RHOJ: variants seen among roughly 807,000 people sequenced by gnomAD.
RHOJ encodes the protein rho-related GTP-binding protein RhoJ.
RHOJ carries 11 observed loss-of-function variants against 23.4 expected under a neutral mutation model. That is an observed-to-expected ratio of 0.47 (90% confidence interval 0.30 to 0.78). The LOEUF (loss-of-function observed/expected upper bound fraction) is 0.78. Among genes scored for constraint, RHOJ ranks in the 30% least tolerant of loss-of-function variants. The pLI is 0.08. For missense variants in RHOJ, 254 were observed against 273.4 expected (o/e 0.93, Z 0.50); for synonymous variants, 102 against 102.7 (o/e 0.99, Z 0.04).
chr14:63,246,774 T>C (rs1325024806), intron 1 of RHOJ, among the ~76,000 whole-genome samples: 2 of 152,160 alleles, frequency 1.3e-5, no homozygotes, highest in East Asian at 1.9e-4. Flanking sequence ...GAAGTCAGCT[T>C]TACTGTGCAC....
chr14:63,233,090 G>C (rs1894727400), intron 1 of RHOJ, among the ~76,000 whole-genome samples: 1 of 152,148 alleles, frequency 6.6e-6, no homozygotes, highest in East Asian at 1.9e-4. Context: ...TATTAATTGA[G>C]GAGAATGTGA....
chr14:63,286,929 C>A (rs1038843189), intron 4 of RHOJ, among the ~76,000 whole-genome samples: 1 of 152,174 alleles, frequency 6.6e-6, no homozygotes, highest in African/African-American at 2.4e-5. Context: ...TCTCTTACAA[C>A]CTGTTTGGTT....
intron 2 of RHOJ, among the ~76,000 whole-genome samples, chr14:63,275,184 T>C (rs908250606): frequency 6.6e-6 from 1 of 152,072 alleles, no homozygotes; most frequent in South Asian, 2.1e-4. Context: ...CCAGGCGTGG[T>C]GTGCATACCT....
At chr14:63,263,368 A>G (rs1340790749) in intron 1 of RHOJ, among the ~76,000 whole-genome samples, 1 of 152,188 alleles carries the variant, frequency 6.6e-6, no homozygotes, top group Non-Finnish European at 1.5e-5. Flanking sequence ...GCAAGCAATA[A>G]GGCATCCACT....
intron 1 of RHOJ, among the ~76,000 whole-genome samples, chr14:63,246,999 C>T (rs1894987030): frequency 6.6e-6 from 1 of 152,092 alleles, no homozygotes; most frequent in Admixed American, 6.5e-5. Flanking sequence ...ACATTCTTAC[C>T]CAGCTCCATT....
chr14:63,241,975 G>A (rs144029184), intron 1 of RHOJ, among the ~76,000 whole-genome samples: 1 of 152,178 alleles, frequency 6.6e-6, no homozygotes, highest in Non-Finnish European at 1.5e-5. Context: ...TAAGTCCAAA[G>A]GAAGCTGAGT....
intron 1 of RHOJ, among the ~76,000 whole-genome samples, chr14:63,225,160 C>G (rs1182966691): frequency 6.6e-6 from 1 of 152,094 alleles, no homozygotes; most frequent in East Asian, 1.9e-4. Context: ...ACTCTGTTAG[C>G]CAGGATGGTC....
chr14:63,287,935 A>G (rs1398619206), intron 4 of RHOJ, among the ~76,000 whole-genome samples: 1 of 152,122 alleles, frequency 6.6e-6, no homozygotes, highest in Non-Finnish European at 1.5e-5. Context: ...TTCATTTCAC[A>G]TCTTTGAGGA....
chr14:63,292,684 C>G lies in RHOJ; in HGVS notation c.*1660C>G, dbSNP rs1013457574. 6.6e-6 allele frequency: 1 copy of G among 152,212 alleles called. No individual in the cohort carries two copies. The highest frequency in any genetic ancestry group is 6.5e-5 in the Admixed American group (1 of 15,284). The allele number at this position is 152,212 out of a possible 1,614,324, so 9.4% of individuals were successfully genotyped here. A position where few individuals can be genotyped will look rare whatever the true frequency, so the allele number is the denominator to read the frequency against. On this transcript the variant is annotated 3_prime_UTR_variant, in exon 5 of 5. Transcript: ENST00000316754. ...TGCGTGATAGCCAGGCACCGTGGCT[C>G]ATGCCTGTAATCCCAACACTTAGGG...
chr14:63,264,736 T>A (rs1189162172), intron 1 of RHOJ, among the ~76,000 whole-genome samples: 1 of 152,242 alleles, frequency 6.6e-6, no homozygotes, highest in Non-Finnish European at 1.5e-5. Flanking sequence ...TGAGATAGTA[T>A]TTTACTATAG....
intron 1 of RHOJ, among the ~76,000 whole-genome samples, chr14:63,237,611 G>A (rs1383477537): frequency 1.3e-5 from 2 of 152,162 alleles, no homozygotes; most frequent in African/African-American, 4.8e-5. Context: ...TTAAGTTTCA[G>A]TTTAACTTAA....
intron 1 of RHOJ, among the ~76,000 whole-genome samples, chr14:63,228,649 C>T (rs1454373880): frequency 1.4e-5 from 2 of 147,572 alleles, no homozygotes; most frequent in African/African-American, 5.0e-5. Context: ...AAGACGAAAA[C>T]AGAATAGAAA....
chr14:63,284,969 C>T (rs1051582212), intron 4 of RHOJ, among the ~76,000 whole-genome samples: 5 of 152,176 alleles, frequency 3.3e-5, no homozygotes, highest in African/African-American at 1.2e-4. Context: ...CAGATACAGA[C>T]GGAATCATGT....
At position 63,283,037 on chromosome 14, in the gene RHOJ, A is replaced by G. The variant is rs1022126226; in HGVS notation, c.403-84A>G. ...AGCAACTTCAAAGATGTTAACAGGGAAAAAGACTCTATGATGTCACAGTTT... is the reference window on the plus strand; with the variant it reads ...AGCAACTTCAAAGATGTTAACAGGGGAAAAGACTCTATGATGTCACAGTTT... On this transcript the variant is annotated intron_variant, in intron 3 of 4. Coordinates refer to ENST00000316754, the MANE Select transcript of RHOJ (RefSeq NM_020663.5). The G allele has an allele frequency of 4.5e-6, 5 of 1,106,044 alleles. No homozygotes were observed. The African/African-American group carries it at 7.8e-5, about 17-fold the overall frequency. The allele number at this position is 1,106,044 out of a possible 1,614,324, so 68.5% of individuals were successfully genotyped here.
At chr14:63,233,724 C>G (rs1241431905) in intron 1 of RHOJ, among the ~76,000 whole-genome samples, 3 of 152,160 alleles carry the variant, frequency 2.0e-5, no homozygotes, top group African/African-American at 7.2e-5. Context: ...TTTAGTCATC[C>G]TCTCTTCCCT....
At chr14:63,277,099 A>T (rs1034344201) in intron 2 of RHOJ, among the ~76,000 whole-genome samples, 2 of 152,232 alleles carry the variant, frequency 1.3e-5, no homozygotes, top group African/African-American at 4.8e-5. Flanking sequence ...TGAGCTGCAG[A>T]AAACAGTGTG....
chr14:63,219,863 G>C (rs1412770577), intron 1 of RHOJ, among the ~76,000 whole-genome samples: 3 of 151,550 alleles, frequency 2.0e-5, no homozygotes, highest in Non-Finnish European at 2.9e-5. Flanking sequence ...TAGTATCTCT[G>C]TCTGGTGAAT....
chr14:63,250,811 A>G (rs1413679172), intron 1 of RHOJ, among the ~76,000 whole-genome samples: 1 of 152,102 alleles, frequency 6.6e-6, no homozygotes, highest in Non-Finnish European at 1.5e-5. Flanking sequence ...AGGTAGGCAG[A>G]TCACTTGAGG....
chr14:63,239,108 G>C (rs1429560428), intron 1 of RHOJ, among the ~76,000 whole-genome samples: 1 of 151,912 alleles, frequency 6.6e-6, no homozygotes, highest in Non-Finnish European at 1.5e-5. Flanking sequence ...CTGTTTGTTT[G>C]TTTGTTTTTT....
Sources: allele counts gnomAD v4.1 joint callset (sites outside exome capture counted in the v4.1 genomes callset), GRCh38; gene constraint gnomAD v4.1.1; transcripts MANE v1.5; gene names NCBI Gene and HGNC (gene_info 2026-07-23, HGNC 2026-07-21).